TCEA3: variants seen among roughly 807,000 people sequenced by gnomAD.
The protein encoded by TCEA3 is transcription elongation factor A protein 3.
Under a neutral mutation model 44.0 loss-of-function variants are expected in TCEA3, and 36 were observed. The ratio of observed to expected loss-of-function variants is 0.82; its 90% CI spans 0.63 to 1.08. TCEA3 has a LOEUF of 1.08. Among genes scored for constraint, TCEA3 ranks in the 50% least tolerant of loss-of-function variants. The pLI, the probability that TCEA3 is intolerant of heterozygous loss-of-function variation, is 0.00. For synonymous variants in TCEA3, 162 were observed against 159.7 expected (o/e 1.01, Z -0.11); for missense variants, 392 against 441.2 (o/e 0.89, Z 1.00).
At chr1:23,399,424 G>C in intron 5 of TCEA3, among the ~76,000 whole-genome samples, 1 of 151,598 alleles carries the variant, frequency 6.6e-6, no homozygotes. Context: ...TATTGGATCA[G>C]GGCTCCACCC....
chr1:23,381,442 C>T lies in TCEA3; in HGVS notation c.*24G>A, dbSNP rs181329716. On this transcript the variant is annotated 3_prime_UTR_variant, in exon 11 of 11. Transcript: ENST00000450454. ...AGCGCTTCCTCTTTCTTCTTCCTCA[C>T]CTTGTTCATGGCTGGCTGTTCCATC... is the stretch of plus-strand genomic sequence containing the variant. 13 of 780,668 alleles carry T rather than the reference C, an allele frequency of 1.7e-5. No homozygotes were observed. In the East Asian group the frequency reaches 3.2e-4, roughly 19 times the overall value. The allele number at this position is 780,668 out of a possible 1,614,324, so 48.4% of individuals were successfully genotyped here.
intron 4 of TCEA3, among the ~76,000 whole-genome samples, chr1:23,413,479 G>A (rs1639795707): frequency 6.6e-6 from 1 of 151,762 alleles, no homozygotes; most frequent in Admixed American, 6.6e-5. Flanking sequence ...TGTCATCCAG[G>A]CTGGAGTGCA....
intron 1 of TCEA3, among the ~76,000 whole-genome samples, chr1:23,422,731 G>A (rs914590011): frequency 2.0e-5 from 3 of 152,072 alleles, no homozygotes. Context: ...GGACAGCTCT[G>A]GGCACTTCCA....
Position 23,419,061 on chromosome 1 carries a change from C to T in TCEA3, c.132+16G>A. 4.8e-6 allele frequency: 3 copies of T among 619,136 alleles called. No homozygotes were observed. Among genetic ancestry groups the T allele is most frequent in the Non-Finnish European group, 8.3e-6 (3 of 362,650 alleles). The allele number at this position is 619,136 out of a possible 1,614,324, so 38.4% of individuals were successfully genotyped here. A position where few individuals can be genotyped will look rare whatever the true frequency, so the allele number is the denominator to read the frequency against. On this transcript the variant is annotated intron_variant, in intron 2 of 10. Coordinates refer to ENST00000450454, the MANE Select transcript of TCEA3 (RefSeq NM_003196.3). ...CCCCCCAGGCACTGTCCCAAGGCTT[C>T]CCACCCCCGCCCCACCTGTAGTAGC...
intron 1 of TCEA3, among the ~76,000 whole-genome samples, chr1:23,424,316 C>A (rs924635272): frequency 1.3e-5 from 2 of 152,206 alleles, no homozygotes; most frequent in African/African-American, 4.8e-5. Flanking sequence ...TCCAAAGGGA[C>A]GTGCACAAGT....
chr1:23,383,874 C>T (rs1376386055), intron 10 of TCEA3: 1 of 992,350 alleles, frequency 1.0e-6, no homozygotes, highest in Non-Finnish European at 1.2e-6. Flanking sequence ...TTCAGAGCTT[C>T]CTTAGGAGGG....
intron 8 of TCEA3, among the ~76,000 whole-genome samples, chr1:23,389,608 T>C (rs1638961986): frequency 6.6e-6 from 1 of 151,854 alleles, no homozygotes; most frequent in Admixed American, 6.6e-5. Context: ...CGAGATCACG[T>C]CACTGCACTC....
intron 4 of TCEA3, among the ~76,000 whole-genome samples, chr1:23,412,677 C>T (rs1305547662): frequency 6.6e-6 from 1 of 151,556 alleles, no homozygotes; most frequent in Non-Finnish European, 1.5e-5. Context: ...CATTGCACTC[C>T]AGCCTGGGCA....
At position 23,417,963 on chromosome 1, in the gene TCEA3, G is replaced by A; in HGVS notation, c.179C>T (p.Ser60Leu). ...GGCCAAGGACACCACCTCCTTGTCT[G>A]AGCAGTGCTTGCGGACCCCATTAAC... ...VAVNGVRKHC[S>L]DKEVVSLAKV... is the part of the protein sequence containing the mutation. Residue 60 changes from serine to leucine, a missense_variant, in exon 3 of 11, where the codon TCA becomes TTA. Physicochemically the swap from Ser to Leu is moderately radical, Grantham distance 145. Coordinates refer to ENST00000450454, the MANE Select transcript of TCEA3 (RefSeq NM_003196.3). 1 of 1,614,068 alleles carries A rather than the reference G, an allele frequency of 6.2e-7. No individual in the cohort carries two copies. The highest frequency in any genetic ancestry group is 2.2e-5 in the East Asian group (1 of 44,896).
chr1:23,417,479 G>A, intron 3 of TCEA3, 89 bp from the exon 4 acceptor site: 3 of 1,499,458 alleles, frequency 2.0e-6, no homozygotes, highest in Non-Finnish European at 2.7e-6. Flanking sequence ...CAAAGGGCAG[G>A]GACGAGGACA....
At chr1:23,392,462 C>T in intron 8 of TCEA3, among the ~76,000 whole-genome samples, 1 of 130,648 alleles carries the variant, frequency 7.7e-6, no homozygotes, top group East Asian at 2.6e-4. Flanking sequence ...ACACACTCCA[C>T]ACATCATACA....
intron 1 of TCEA3, chr1:23,423,986 G>C (rs751664041): frequency 4.5e-4 from 176 of 390,042 alleles, no homozygotes; most frequent in Middle Eastern, 2.3e-3. Context: ...GCACCCCAAG[G>C]CCAAGGAAAG....
At chr1:23,398,120 G>A (rs191556874) in intron 5 of TCEA3, among the ~76,000 whole-genome samples, 165 bp from the exon 6 acceptor site, 53 of 152,056 alleles carry the variant, frequency 3.5e-4, no homozygotes, top group Admixed American at 1.6e-3. Context: ...TTTAATCCTC[G>A]TGACAACCCC....
At chr1:23,385,208 G>C (rs186331842) in intron 9 of TCEA3, among the ~76,000 whole-genome samples, 6 of 152,132 alleles carry the variant, frequency 3.9e-5, no homozygotes, top group African/African-American at 1.4e-4. Context: ...GGCTGGCCAC[G>C]ACATGTAGCA....
intron 6 of TCEA3, 50 bp downstream of exon 6, chr1:23,397,742 T>C (rs778161379): frequency 1.2e-6 from 2 of 1,612,410 alleles, no homozygotes; most frequent in African/African-American, 2.7e-5. Context: ...TCAGTGAGAT[T>C]GGGAAAAGGG....
intron 7 of TCEA3, among the ~76,000 whole-genome samples, chr1:23,396,708 A>G (rs997289834): frequency 6.6e-6 from 1 of 152,056 alleles, no homozygotes; most frequent in African/African-American, 2.4e-5. Context: ...GAGTAAAAAA[A>G]CAGAGGGCAG....
chr1:23,422,664 G>T (rs1342699131), intron 1 of TCEA3, among the ~76,000 whole-genome samples: 1 of 152,102 alleles, frequency 6.6e-6, no homozygotes, highest in Non-Finnish European at 1.5e-5. Flanking sequence ...CGCAGACGTG[G>T]CTGTAAACTG....
In TCEA3 at chr1:23,381,260, C is replaced by A; in HGVS notation, c.*206G>T. 1.7e-6 allele frequency: 1 copy of A among 591,968 alleles called. No individual in the cohort carries two copies. The highest frequency in any genetic ancestry group is 3.1e-6 in the Non-Finnish European group (1 of 327,036). 36.7% of individuals were successfully genotyped at this position (591,968 alleles called of 1,614,324 possible). ...GTTCATCAATACAAATTCTCAGCATCATTCTCCAATTAGGCTCCCCCATTA... is the reference window on the plus strand; with the variant it reads ...GTTCATCAATACAAATTCTCAGCATAATTCTCCAATTAGGCTCCCCCATTA... On this transcript the variant is annotated 3_prime_UTR_variant, in exon 11 of 11. Coordinates refer to ENST00000450454, the MANE Select transcript of TCEA3 (RefSeq NM_003196.3).
In TCEA3 at chr1:23,393,864, A is replaced by G. The variant is rs534360878; in HGVS notation, c.819+15T>C. Reference sequence around the variant, plus strand: ...CCTGGCTTCCTGCCTCACCATGCAGATGCCCTGCTCTCACCTCTGCCGTCA... The same window carrying G: ...CCTGGCTTCCTGCCTCACCATGCAGGTGCCCTGCTCTCACCTCTGCCGTCA... On this transcript the variant is annotated intron_variant, in intron 8 of 10. Transcript: ENST00000450454. 17 of 1,611,130 alleles carry G rather than the reference A, an allele frequency of 1.1e-5. 1 individual carries two copies. In the South Asian group the frequency reaches 1.8e-4, roughly 17 times the overall value.
Sources: allele counts gnomAD v4.1 joint callset (sites outside exome capture counted in the v4.1 genomes callset), GRCh38; gene constraint gnomAD v4.1.1; transcripts MANE v1.5; gene names NCBI Gene and HGNC (gene_info 2026-07-23, HGNC 2026-07-21).